FRYL: variants seen among roughly 807,000 people sequenced by gnomAD.
FRYL encodes the protein FRY like transcription coactivator.
A neutral mutation model predicts 351.2 loss-of-function variants in FRYL; 150 were observed. That is an observed-to-expected ratio of 0.43 (90% CI 0.37 to 0.49). FRYL has a LOEUF of 0.49. Among genes scored for constraint, FRYL ranks in the 20% least tolerant of loss-of-function variants. The probability of loss-of-function intolerance (pLI) is 0.00; values close to 1 mark genes in which losing one functional copy is unlikely to be tolerated. For synonymous variants in FRYL, 1,153 were observed against 1,257.1 expected (o/e 0.92, Z 1.75); for missense variants, 3,036 against 3,619.3 (o/e 0.84, Z 4.13).
chr4:48,521,042 C>T lies in FRYL; in HGVS notation c.7689+6G>A, dbSNP rs373196164. On this transcript the variant is annotated splice_donor_region_variant and intron_variant, in intron 55 of 63. Coordinates refer to ENST00000358350, the MANE Select transcript of FRYL (RefSeq NM_015030.2). ...TGGCCATGCACCAGCCTCCATTTCT[C>T]CCCACCTCAGGCAGCCGGCTGTTAG... is the stretch of plus-strand genomic sequence containing the variant. 2 of 1,605,764 alleles carry T rather than the reference C, an allele frequency of 1.2e-6. No homozygotes were observed. Among genetic ancestry groups the T allele is most frequent in the African/African-American group, 2.7e-5 (2 of 74,744 alleles).
In FRYL at chr4:48,626,446, T is replaced by C. The variant is rs572579452; in HGVS notation, c.121-3267A>G. Among the ~76,000 whole-genome samples, 311 of 152,230 alleles carry C rather than the reference T, an allele frequency of 2.0e-3. 1 individual carries two copies. The highest frequency in any genetic ancestry group is 3.8e-3 in the Non-Finnish European group (257 of 67,952). ...ATAATTAATCAAATTATATCGGCTA[T>C]TTGATAAGCTAATATAATTAATCAA... On this transcript the variant is annotated intron_variant, in intron 4 of 63. Coordinates refer to ENST00000358350, the MANE Select transcript of FRYL (RefSeq NM_015030.2).
Position 48,579,215 on chromosome 4 carries a change from C to A in FRYL, c.2286G>T (p.Ser762=). Residue 762 remains serine (S), a synonymous_variant, in exon 23 of 64, where the codon TCG becomes TCT. Coordinates refer to ENST00000358350, the MANE Select transcript of FRYL (RefSeq NM_015030.2). ...ATTCTGCTAAAGTTTGTAAATCTAT[C>A]GAGCTAGGGCAATAGAGCAAAGTAG... is the stretch of plus-strand genomic sequence containing the variant. ...DQTTLLYCPS[S]IDLQTLAEWN... is the part of the protein sequence containing the mutation. 1 of 1,612,794 alleles carries A rather than the reference C, an allele frequency of 6.2e-7. No individual in the cohort carries two copies. Among genetic ancestry groups the A allele is most frequent in the Non-Finnish European group, 8.5e-7 (1 of 1,179,430 alleles).
chr4:48,659,412 AGAAGGAGAAGGAGAAGAGGAAGAG>A lies in FRYL; in HGVS notation c.-80-24946_-80-24923del, dbSNP rs1230708098. On this transcript the variant is annotated intron_variant, in intron 3 of 63. Transcript: ENST00000358350. Reference sequence around the variant, plus strand: ...AAGGAGAAGAAGGAGAAGGAGAAGGAGAAGGAGAAGGAGAAGAGGAAGAGGAAGAGGAAGAGGAAGAGGGAGAAG... The same window carrying A: ...AAGGAGAAGAAGGAGAAGGAGAAGGAGAAGAGGAAGAGGAAGAGGGAGAAG... Among the ~76,000 whole-genome samples, 13 of 3,648 alleles carry A rather than the reference AGAAGGAGAAGGAGAAGAGGAAGAG, an allele frequency of 3.6e-3. 5 individuals are homozygous for A. The highest frequency in any genetic ancestry group is 9.2e-3 in the African/African-American group (13 of 1,406). The allele number at this position is 3,648 out of a possible 152,430, so 2.4% of individuals were successfully genotyped here.
rs1732117022 is a variant in FRYL at position 48,549,158 on chromosome 4, A to C, written c.4784+315T>G. Among the ~76,000 whole-genome samples the C allele has an allele frequency of 6.6e-6, 1 of 152,136 alleles. No homozygotes were observed. Among genetic ancestry groups the C allele is most frequent in the Non-Finnish European group, 1.5e-5 (1 of 68,026 alleles). On this transcript the variant is annotated intron_variant, in intron 39 of 63. Transcript: ENST00000358350. The surrounding 1 kb of genome is among the most constrained non-coding windows in gnomAD (Gnocchi z 4.2). ...ATTTTGCTAAGTAGAATTCAATTTA[A>C]CTCGATGCAAAATAATAGTGCCTAC...
intron 62 of FRYL, among the ~76,000 whole-genome samples, chr4:48,501,303 A>G (rs1378166926): frequency 1.3e-5 from 2 of 152,076 alleles, no homozygotes; most frequent in African/African-American, 4.8e-5. Flanking sequence ...TCATCATCCC[A>G]GCTCAGACTC....
At chr4:48,739,491 T>C (rs1473441573) in intron 1 of FRYL, among the ~76,000 whole-genome samples, 2 of 151,092 alleles carry the variant, frequency 1.3e-5, no homozygotes, top group Non-Finnish European at 2.9e-5. Context: ...CAAATTGTAC[T>C]GAAACAACTG....
chr4:48,651,057 TAAG>T (rs1317128340), intron 3 of FRYL, among the ~76,000 whole-genome samples: 1 of 152,128 alleles, frequency 6.6e-6, no homozygotes, highest in African/African-American at 2.4e-5. Flanking sequence ...CTTTCCCTCT[TAAG>T]TCTCCACTGA....
intron 7 of FRYL, among the ~76,000 whole-genome samples, chr4:48,617,294 T>A (rs2149309824): frequency 6.6e-6 from 1 of 152,058 alleles, no homozygotes; most frequent in African/African-American, 2.4e-5. Flanking sequence ...CAGAAATGAT[T>A]TTGTGCAGTG....
chr4:48,679,371 C>T (rs1419694545), intron 3 of FRYL, among the ~76,000 whole-genome samples: 1 of 152,034 alleles, frequency 6.6e-6, no homozygotes, highest in African/African-American at 2.4e-5. Context: ...CATAAATATA[C>T]TATTTTTTAA....
At chr4:48,627,134 TAA>T (rs1433636939) in intron 4 of FRYL, among the ~76,000 whole-genome samples, 1 of 152,210 alleles carries the variant, frequency 6.6e-6, no homozygotes, top group Non-Finnish European at 1.5e-5. Context: ...GTATGTCTCA[TAA>T]TAAGTCCTGT....
At chr4:48,664,134 T>A (rs1188074805) in intron 3 of FRYL, among the ~76,000 whole-genome samples, 1 of 152,216 alleles carries the variant, frequency 6.6e-6, no homozygotes, top group Non-Finnish European at 1.5e-5. Flanking sequence ...CAGAGTCCTA[T>A]CCACTGGGCT....
chr4:48,537,000 T>C lies in FRYL; in HGVS notation c.6394-1173A>G, dbSNP rs187243255. ...ATTTTATACAATCATTAAAACCAGCTGATTTCATGCAGTAGTGTTTTGCCC... is the reference window on the plus strand; with the variant it reads ...ATTTTATACAATCATTAAAACCAGCCGATTTCATGCAGTAGTGTTTTGCCC... On this transcript the variant is annotated intron_variant, in intron 47 of 63. Transcript: ENST00000358350. Among the ~76,000 whole-genome samples, 20 of 152,260 alleles carry C rather than the reference T, an allele frequency of 1.3e-4. No homozygotes were observed. The East Asian group carries it at 2.3e-3, about 18-fold the overall frequency.
At chr4:48,585,184 T>C (rs1281354867) in intron 19 of FRYL, among the ~76,000 whole-genome samples, 6 of 152,220 alleles carry the variant, frequency 3.9e-5, no homozygotes, top group Non-Finnish European at 7.4e-5. Context: ...AGGAATAGTA[T>C]CATAAATAAT....
intron 1 of FRYL, among the ~76,000 whole-genome samples, chr4:48,712,741 A>G: frequency 6.6e-6 from 1 of 152,238 alleles, no homozygotes; most frequent in Non-Finnish European, 1.5e-5. Flanking sequence ...CTCCTCGAGA[A>G]GAGCAACTCC....
chr4:48,500,275 T>G (rs1719254184), intron 62 of FRYL, 55 bp from the exon 63 acceptor site: 7 of 1,135,724 alleles, frequency 6.2e-6, no homozygotes, highest in Admixed American at 2.7e-5. Flanking sequence ...CAAAAACATT[T>G]AGTTGGCTAC....
At chr4:48,678,294 ACT>A (rs201252439) in intron 3 of FRYL, among the ~76,000 whole-genome samples, 1,814 of 152,134 alleles carry the variant, frequency 0.012, 81 homozygotes, top group Admixed American at 0.087. Flanking sequence ...GAAAAAATTA[ACT>A]CTAGATGGAT....
At chr4:48,711,529 C>A (rs905845198) in intron 1 of FRYL, among the ~76,000 whole-genome samples, 15 of 152,232 alleles carry the variant, frequency 9.9e-5, no homozygotes, top group African/African-American at 3.4e-4. Flanking sequence ...CCCACCATTG[C>A]CCAGGCTTGC....
intron 46 of FRYL, 114 bp from the exon 47 acceptor site, chr4:48,540,182 T>C: frequency 8.9e-7 from 1 of 1,124,340 alleles, no homozygotes; most frequent in Non-Finnish European, 1.3e-6. Context: ...TTTCCTGGGA[T>C]ATTCGATCTT....
At chr4:48,539,015 A>G (rs12503599) in intron 47 of FRYL, among the ~76,000 whole-genome samples, 77,256 of 151,994 alleles carry the variant, frequency 0.51, 20,042 homozygotes, top group South Asian at 0.61. Context: ...TTCTTTTAAC[A>G]TGAAGGTTAA....
Sources: gnomAD v4.1 joint callset for allele counts (sites outside exome capture counted in the v4.1 genomes callset) on GRCh38, gnomAD v4.1.1 for gene constraint, Gnocchi (gnomAD v3.1) non-coding constraint, MANE v1.5 for transcripts, NCBI Gene and HGNC (gene_info 2026-07-23, HGNC 2026-07-21) for gene names.